Variants in PLCXD2 observed in about 807,000 individuals in gnomAD.
PLCXD2 encodes the protein PI-PLC X domain-containing protein 2.
In PLCXD2, 21 loss-of-function variants were observed where a neutral mutation model predicts 28.6. That is an observed-to-expected ratio of 0.73 (90% CI 0.52 to 1.06). PLCXD2 has a LOEUF of 1.06. Among genes scored for constraint, PLCXD2 ranks in the 50% least tolerant of loss-of-function variants. PLCXD2 has a pLI of 0.00. For synonymous variants in PLCXD2, 140 were observed against 150.1 expected (o/e 0.93, Z 0.49); for missense variants, 369 against 376.7 (o/e 0.98, Z 0.17).
Position 111,708,038 on chromosome 3 carries a change from G to C in PLCXD2, c.276G>C (p.Lys92Asn). 1 of 1,614,214 alleles carries C rather than the reference G, an allele frequency of 6.2e-7. No homozygotes were observed. Among genetic ancestry groups the C allele is most frequent in the East Asian group, 2.2e-5 (1 of 44,890 alleles). The change falls in exon 2 of 5, where the codon AAG (lysine) becomes AAC (asparagine). Residue 92 changes from lysine (K) to asparagine (N), a missense_variant. Lys to Asn is a moderately conservative substitution (Grantham distance 94). Coordinates refer to ENST00000477665, the MANE Select transcript of PLCXD2 (RefSeq NM_001185106.1). ...TCTCCTTGGTGAAGAAGCTAATGAA[G>C]AAGTGGTCTGTGACTCAGAACCTGA...
chr3:111,675,139 A>G lies in PLCXD2; in HGVS notation c.-107A>G. The G allele has an allele frequency of 1.5e-6, 2 of 1,364,028 alleles. No homozygotes were observed. Among genetic ancestry groups the G allele is most frequent in the Non-Finnish European group, 2.0e-6 (2 of 990,578 alleles). The allele number at this position is 1,364,028 out of a possible 1,614,324, so 84.5% of individuals were successfully genotyped here. A position where few individuals can be genotyped will look rare whatever the true frequency, so the allele number is the denominator to read the frequency against. The stretch of plus-strand genomic sequence containing the variant: ...CCCCAGCCAGAAAGGCATTTTGGAA[A>G]GACTGGCGTGGCAAGCGTCGCCCTG... On this transcript the variant is annotated 5_prime_UTR_variant, in exon 1 of 5. Coordinates refer to ENST00000477665, the MANE Select transcript of PLCXD2 (RefSeq NM_001185106.1).
At chr3:111,710,516 G>A (rs146633643) in intron 2 of PLCXD2, among the ~76,000 whole-genome samples, 12 of 152,256 alleles carry the variant, frequency 7.9e-5, no homozygotes, top group Non-Finnish European at 1.3e-4. Context: ...CAACTCACCC[G>A]AGAGAAACCT....
At chr3:111,691,771 T>C (rs1940881744) in intron 1 of PLCXD2, among the ~76,000 whole-genome samples, 1 of 152,210 alleles carries the variant, frequency 6.6e-6, no homozygotes, top group Non-Finnish European at 1.5e-5. Context: ...ATGCAATCTT[T>C]GCAACCCTGA....
chr3:111,712,190 A>G (rs981123567), intron 2 of PLCXD2, among the ~76,000 whole-genome samples: 1 of 152,232 alleles, frequency 6.6e-6, no homozygotes, highest in Non-Finnish European at 1.5e-5. Context: ...AGATTGCTCA[A>G]GAAGGCTCTT....
intron 1 of PLCXD2, among the ~76,000 whole-genome samples, chr3:111,699,098 G>A (rs1407224297): frequency 1.3e-5 from 2 of 152,154 alleles, no homozygotes; most frequent in East Asian, 3.9e-4. Context: ...CCTAAGGGAG[G>A]TGAAGACAGG....
intron 3 of PLCXD2, chr3:111,725,364 G>A (rs550852252): frequency 5.4e-5 from 18 of 330,652 alleles, no homozygotes; most frequent in Non-Finnish European, 8.7e-5. Context: ...GCACCATAGC[G>A]TTGTCACTTA....
At position 111,674,848 on chromosome 3, in the gene PLCXD2, C is replaced by G; in HGVS notation, c.-398C>G. 6.1e-6 allele frequency: 1 copy of G among 165,180 alleles called. No homozygotes were observed. The highest frequency in any genetic ancestry group is 1.3e-5 in the Non-Finnish European group (1 of 76,756). The allele number at this position is 165,180 out of a possible 1,614,324, so 10.2% of individuals were successfully genotyped here. On this transcript the variant is annotated 5_prime_UTR_variant, in exon 1 of 5. Coordinates refer to ENST00000477665, the MANE Select transcript of PLCXD2 (RefSeq NM_001185106.1). ...TCAGGCTAGAGCCGGCGCGCCCGGG[C>G]GCGCACCTGTGTATGGACCCGCAGG...
At chr3:111,684,160 T>G (rs1940758025) in intron 1 of PLCXD2, among the ~76,000 whole-genome samples, 1 of 151,744 alleles carries the variant, frequency 6.6e-6, no homozygotes, top group Non-Finnish European at 1.5e-5. Flanking sequence ...TGAAACTCCA[T>G]CTCTACTAAA....
At chr3:111,723,904 G>A (rs865950103) in intron 3 of PLCXD2, 9 of 152,190 alleles carry the variant, frequency 5.9e-5, no homozygotes, top group Admixed American at 6.5e-5. Flanking sequence ...CAGCTAAGAA[G>A]CTACTTGATT....
chr3:111,709,159 A>G (rs1233821236), intron 2 of PLCXD2, among the ~76,000 whole-genome samples: 2 of 152,196 alleles, frequency 1.3e-5, no homozygotes, highest in African/African-American at 4.8e-5. Context: ...TGCATTAACC[A>G]AAACAACTTT....
Position 111,708,377 on chromosome 3 carries a change from G to T in PLCXD2, c.615G>T (p.Lys205Asn). The T allele has an allele frequency of 6.2e-7, 1 of 1,612,990 alleles. No individual in the cohort carries two copies. Among genetic ancestry groups the T allele is most frequent in the South Asian group, 1.1e-5 (1 of 90,992 alleles). The change falls in exon 2 of 5, where the codon AAG becomes AAT. Residue 205 changes from lysine (K) to asparagine (N), a missense_variant. Transcript: ENST00000477665. ...TGACGCTGCGAACTCTGTGGGAGAA[G>T]AACTGCCAGGTAGGAGGGAAGGAGA...
chr3:111,693,425 G>C (rs993922206), intron 1 of PLCXD2, among the ~76,000 whole-genome samples: 63 of 152,204 alleles, frequency 4.1e-4, no homozygotes, highest in African/African-American at 1.4e-3. Context: ...GCAACGTGAA[G>C]CTTAAGCTAG....
At chr3:111,695,961 C>T (rs1052750734) in intron 1 of PLCXD2, among the ~76,000 whole-genome samples, 2 of 152,188 alleles carry the variant, frequency 1.3e-5, no homozygotes, top group Non-Finnish European at 2.9e-5. Context: ...GAAGGGACTA[C>T]TATTTTTTCT....
At chr3:111,698,817 A>T (rs1243764926) in intron 1 of PLCXD2, among the ~76,000 whole-genome samples, 4 of 152,152 alleles carry the variant, frequency 2.6e-5, no homozygotes, top group Non-Finnish European at 4.4e-5. Context: ...TTTGTTCATA[A>T]TCACTCCCTG....
At chr3:111,726,690 A>C (rs1347091857) in intron 3 of PLCXD2, 1 of 152,176 alleles carries the variant, frequency 6.6e-6, no homozygotes. Flanking sequence ...TTTTACCCCT[A>C]GGAAATAATT....
chr3:111,699,189 C>T (rs141412105), intron 1 of PLCXD2, among the ~76,000 whole-genome samples: 6 of 152,296 alleles, frequency 3.9e-5, no homozygotes, highest in African/African-American at 1.2e-4. Flanking sequence ...GAGTTTCTCT[C>T]TATCTTCTTA....
At position 111,710,606 on chromosome 3, in the gene PLCXD2, C is replaced by T. The variant is rs75614705; in HGVS notation, c.624+2220C>T. Among the ~76,000 whole-genome samples, 1,000 of 152,316 alleles carry T rather than the reference C, an allele frequency of 6.6e-3. 16 individuals are homozygous for T. The highest frequency in any genetic ancestry group is 0.022 in the African/African-American group (935 of 41,570). Reference sequence around the variant, plus strand: ...TGGCTTTCCAGAGTTCTTACAGCTTCTCATGCTCTCTGAGGGGTATTTAGG... The same window carrying T: ...TGGCTTTCCAGAGTTCTTACAGCTTTTCATGCTCTCTGAGGGGTATTTAGG... On this transcript the variant is annotated intron_variant, in intron 2 of 4. Transcript: ENST00000477665.
At chr3:111,677,148 A>G (rs1940635334) in intron 1 of PLCXD2, 1 of 152,128 alleles carries the variant, frequency 6.6e-6, no homozygotes, top group Non-Finnish European at 1.5e-5. Context: ...GCTAAGGAAA[A>G]AGAAAAAAAA....
intron 1 of PLCXD2, among the ~76,000 whole-genome samples, chr3:111,675,767 A>C (rs1401527922): frequency 1.3e-5 from 2 of 152,068 alleles, no homozygotes; most frequent in African/African-American, 4.8e-5. Context: ...CAATGAATTA[A>C]AAGTCACAAA....
Sources: gnomAD v4.1 joint callset for allele counts (sites outside exome capture counted in the v4.1 genomes callset) on GRCh38, gnomAD v4.1.1 for gene constraint, MANE v1.5 for transcripts, NCBI Gene and HGNC (gene_info 2026-07-23, HGNC 2026-07-21) for gene names.